The following ZBTB16 variants were observed in gnomAD, a reference collection of about 807,000 sequenced individuals.
ZBTB16 encodes the protein zinc finger and BTB domain-containing protein 16.
ZBTB16 carries 8 observed loss-of-function variants against 56.8 expected under a neutral mutation model. That is an observed-to-expected ratio of 0.14 (90% CI 0.08 to 0.25). The LOEUF is 0.25. Among genes scored for constraint, ZBTB16 ranks in the 10% least tolerant of loss-of-function variants. The pLI is 1.00. For synonymous variants in ZBTB16, 363 were observed against 368.5 expected (o/e 0.98, Z 0.17); for missense variants, 625 against 903.0 (o/e 0.69, Z 3.95).
intron 2 of ZBTB16, among the ~76,000 whole-genome samples, chr11:114,139,557 C>G (rs775731431): frequency 3.5e-4 from 53 of 152,074 alleles, no homozygotes; most frequent in Admixed American, 5.9e-4. Context: ...CTTCTCCCCC[C>G]CCAAAGACCA....
intron 3 of ZBTB16, among the ~76,000 whole-genome samples, chr11:114,171,432 C>T (rs1187090856): frequency 6.6e-6 from 1 of 152,206 alleles, no homozygotes; most frequent in Non-Finnish European, 1.5e-5. Flanking sequence ...CTTTCAGTGC[C>T]CTTTGGACGG....
intron 4 of ZBTB16, among the ~76,000 whole-genome samples, chr11:114,223,385 G>A (rs919416967): frequency 6.6e-6 from 1 of 152,202 alleles, no homozygotes; most frequent in Non-Finnish European, 1.5e-5. Context: ...AATTGGGGAT[G>A]GTGAGTGGGT....
intron 2 of ZBTB16, among the ~76,000 whole-genome samples, chr11:114,074,333 C>T (rs1463110146): frequency 1.3e-5 from 2 of 152,170 alleles, no homozygotes; most frequent in African/African-American, 4.8e-5. Context: ...ACCATAATGG[C>T]CCTTAGCGTG....
intron 3 of ZBTB16, among the ~76,000 whole-genome samples, chr11:114,168,246 G>A (rs547034334): frequency 1.8e-4 from 28 of 152,330 alleles, no homozygotes; most frequent in Non-Finnish European, 3.5e-4. Flanking sequence ...GAACAGACCT[G>A]AGGTGCTGCC....
chr11:114,160,430 C>T (rs1942555969), intron 3 of ZBTB16, among the ~76,000 whole-genome samples: 1 of 152,174 alleles, frequency 6.6e-6, no homozygotes, highest in East Asian at 1.9e-4. Flanking sequence ...CCCTGTCGTC[C>T]TCCTCTCCTC....
At chr11:114,141,177 A>T (rs940274754) in intron 2 of ZBTB16, among the ~76,000 whole-genome samples, 1 of 152,206 alleles carries the variant, frequency 6.6e-6, no homozygotes, top group African/African-American at 2.4e-5. Flanking sequence ...GTCTTGGCTC[A>T]TGTGATGCCT....
rs575927431 is a variant in ZBTB16, at chr11:114,255,092, C to A, written c.*4537C>A. 2.6e-4 allele frequency among the ~76,000 whole-genome samples: 39 copies of A among 152,134 alleles called. No individual in the cohort carries two copies. The highest frequency in any genetic ancestry group is 9.4e-4 in the African/African-American group (39 of 41,508). On this transcript the variant is annotated 3_prime_UTR_variant, in exon 7 of 7. Transcript: ENST00000335953. ...TGGTGGTGCACCATGACATCCAACC[C>A]GTATATATAAAGATAAATATATATA... is the stretch of plus-strand genomic sequence containing the variant.
intron 2 of ZBTB16, among the ~76,000 whole-genome samples, chr11:114,151,330 G>A (rs2134939658): frequency 6.6e-6 from 1 of 152,340 alleles, no homozygotes; most frequent in Non-Finnish European, 1.5e-5. Flanking sequence ...GATGTGGTCT[G>A]AGTGTTGGTT....
chr11:114,241,393 GGCGA>G (rs1481001869), intron 4 of ZBTB16, among the ~76,000 whole-genome samples: 1 of 152,170 alleles, frequency 6.6e-6, no homozygotes, highest in African/African-American at 2.4e-5. Context: ...CACAGCAGGA[GGCGA>G]GCGAGTGAAA....
intron 4 of ZBTB16, among the ~76,000 whole-genome samples, chr11:114,234,916 G>A (rs1470257268): frequency 2.6e-5 from 4 of 152,194 alleles, no homozygotes; most frequent in Admixed American, 1.3e-4. Flanking sequence ...GAAAGGAAAA[G>A]GCGTCAGTTT....
At position 114,162,759 on chromosome 11, in the gene ZBTB16, G is replaced by C. The variant is rs528234724; in HGVS notation, c.1366+6325G>C. Among the ~76,000 whole-genome samples, 10 of 152,316 alleles carry C rather than the reference G, an allele frequency of 6.6e-5. No individual in the cohort carries two copies. The South Asian group carries it at 2.1e-3, about 32-fold the overall frequency. On this transcript the variant is annotated intron_variant, in intron 3 of 6. Transcript: ENST00000335953. The stretch of plus-strand genomic sequence containing the variant: ...TCAAGGAAGTGGAGAAGATCAGATG[G>C]GGGTGGCTCAGAGGCCAGGCTGCCC...
chr11:114,092,991 C>G (rs554594951), intron 2 of ZBTB16, among the ~76,000 whole-genome samples: 1 of 152,270 alleles, frequency 6.6e-6, no homozygotes, highest in East Asian at 1.9e-4. Context: ...TGTGAAAACA[C>G]ACACACACCA....
At chr11:114,221,777 T>C (rs1285460822) in intron 4 of ZBTB16, among the ~76,000 whole-genome samples, 1 of 152,220 alleles carries the variant, frequency 6.6e-6, no homozygotes, top group African/African-American at 2.4e-5. Flanking sequence ...ATTCTCTGAC[T>C]GTGCTGGTAT....
chr11:114,084,614 C>G (rs79898026), intron 2 of ZBTB16, among the ~76,000 whole-genome samples: 4,285 of 152,148 alleles, frequency 0.028, 102 homozygotes, highest in South Asian at 0.12. Context: ...TGAGAAGGAG[C>G]AGGTGCCAGG....
chr11:114,167,237 T>TTTG (rs1555147493), intron 3 of ZBTB16, among the ~76,000 whole-genome samples: 4 of 133,074 alleles, frequency 3.0e-5, no homozygotes, highest in East Asian at 2.2e-4. Flanking sequence ...TTTTGGTTTT[T>TTTG]TTTTTTTTTT....
chr11:114,114,478 G>A (rs1941111775), intron 2 of ZBTB16, among the ~76,000 whole-genome samples: 1 of 152,144 alleles, frequency 6.6e-6, no homozygotes, highest in African/African-American at 2.4e-5. Flanking sequence ...CTCAATAGAG[G>A]GAACAGGGAG....
At chr11:114,222,640 C>T (rs752731955) in intron 4 of ZBTB16, among the ~76,000 whole-genome samples, 7 of 152,170 alleles carry the variant, frequency 4.6e-5, no homozygotes, top group Non-Finnish European at 8.8e-5. Flanking sequence ...CTGAGAGCAA[C>T]TCACATCTGA....
rs1938746989 is a variant in ZBTB16, at chr11:114,059,757, G to C, written c.-216G>C. ...ATGAGAGCGGGTACTGCGAACTGCC[G>C]GGCGATGCTGTCGCTGCCGCCGTGA... On this transcript the variant is annotated 5_prime_UTR_variant, in exon 1 of 7. Transcript: ENST00000335953. The surrounding 1 kb of genome is among the most constrained non-coding windows in gnomAD (Gnocchi z 5.3). The C allele has an allele frequency of 5.0e-6, 2 of 398,262 alleles. No homozygotes were observed. The highest frequency in any genetic ancestry group is 4.4e-5 in the Admixed American group (1 of 22,716). The allele number at this position is 398,262 out of a possible 1,614,324, so 24.7% of individuals were successfully genotyped here.
At chr11:114,132,251 A>G (rs925125001) in intron 2 of ZBTB16, among the ~76,000 whole-genome samples, 11 of 152,088 alleles carry the variant, frequency 7.2e-5, no homozygotes, top group African/African-American at 2.4e-4. Context: ...ACACCATTCA[A>G]TACTTGATTT....
Sources: gnomAD v4.1 joint callset for allele counts (sites outside exome capture counted in the v4.1 genomes callset) on GRCh38, gnomAD v4.1.1 for gene constraint, Gnocchi (gnomAD v3.1) non-coding constraint, MANE v1.5 for transcripts, NCBI Gene and HGNC (gene_info 2026-07-23, HGNC 2026-07-21) for gene names.